The following BPIFC variants were observed in gnomAD, a reference collection of about 807,000 sequenced individuals.
BPIFC encodes BPI fold-containing family C protein.
BPIFC carries 60 observed loss-of-function variants against 57.6 expected under a neutral mutation model. That is an observed-to-expected ratio of 1.04 (90% CI 0.85 to 1.29). The LOEUF (loss-of-function observed/expected upper bound fraction) is 1.29, where lower values mean the gene tolerates loss of function less well. Among genes scored for constraint, BPIFC ranks in the 50% most tolerant of loss-of-function variants. The pLI is 0.00. For missense variants in BPIFC, 581 were observed against 600.5 expected, an observed-to-expected ratio of 0.97 and a Z score of 0.34; for synonymous variants, 243 against 224.5, an observed-to-expected ratio of 1.08 and a Z score of -0.74.
Position 32,414,420 on chromosome 22 carries a change from G to A in BPIFC, c.1407C>T (p.Phe469=). Residue 469 remains phenylalanine, a synonymous_variant, in exon 17 of 17, where the codon TTC becomes TTT. Coordinates refer to ENST00000300399, the MANE Select transcript of BPIFC (RefSeq NM_174932.3). ...VNSDIEVLEG[F]LLISTDLKYE... ...ACTTCAGGTCGGTGGAAATCAAAAG[G>A]AAACCCTGGAAAGGATGTGACAATG... 3.1e-6 allele frequency: 5 copies of A among 1,613,382 alleles called. No homozygotes were observed. The highest frequency in any genetic ancestry group is 4.2e-6 in the Non-Finnish European group (5 of 1,179,586).
chr22:32,423,806 A>G (rs925998362), intron 13 of BPIFC, among the ~76,000 whole-genome samples: 1 of 152,094 alleles, frequency 6.6e-6, no homozygotes, highest in Non-Finnish European at 1.5e-5. Context: ...AAAAAGGGAA[A>G]GTGTCATTTA....
At chr22:32,428,429 C>T (rs527751184) in intron 13 of BPIFC, among the ~76,000 whole-genome samples, 109 of 151,980 alleles carry the variant, frequency 7.2e-4, no homozygotes, top group African/African-American at 2.5e-3. Context: ...CCACCCTGCC[C>T]GGCCTCTCAT....
rs367688513 is a variant in BPIFC, at chr22:32,435,888, A to G, written c.748-8T>C. On this transcript the variant is annotated splice_region_variant and splice_polypyrimidine_tract_variant and intron_variant, in intron 9 of 16. Transcript: ENST00000300399. ...CAGTGGGTAGAATACACCCTGTGGG[A>G]AAAGAGAGAGAAAGACCAGTGTATC... 1.5e-4 allele frequency: 241 copies of G among 1,606,114 alleles called. 3 individuals carry two copies. The African/African-American group carries it at 3.1e-3, about 21-fold the overall frequency.
intron 7 of BPIFC, among the ~76,000 whole-genome samples, chr22:32,444,451 A>C (rs1934657058): frequency 6.6e-6 from 1 of 152,188 alleles, no homozygotes; most frequent in African/African-American, 2.4e-5. Flanking sequence ...GGACGTGACC[A>C]GACCCTGTCT....
chr22:32,450,800 G>A (rs909005474), intron 4 of BPIFC, among the ~76,000 whole-genome samples: 1 of 152,042 alleles, frequency 6.6e-6, no homozygotes, highest in Admixed American at 6.6e-5. Flanking sequence ...GGGATGATAA[G>A]TAAGTATAAA....
At chr22:32,460,638 T>C (rs1935140533) in intron 2 of BPIFC, among the ~76,000 whole-genome samples, 1 of 152,216 alleles carries the variant, frequency 6.6e-6, no homozygotes, top group African/African-American at 2.4e-5. Context: ...GTTTTTCCCC[T>C]CTGCCTATGC....
Position 32,446,770 on chromosome 22 carries a change from G to C in BPIFC, c.374+442C>G, listed in dbSNP as rs1323274186. The C allele has an allele frequency of 7.1e-6, 7 of 985,270 alleles. No individual in the cohort carries two copies. The Admixed American group carries it at 1.8e-4, about 26-fold the overall frequency. The allele number at this position is 985,270 out of a possible 1,614,324, so 61.0% of individuals were successfully genotyped here. A position where few individuals can be genotyped will look rare whatever the true frequency, so the allele number is the denominator to read the frequency against. ...CCTCCTTCTACACGAGGGTGCAAAG[G>C]CCTTCCAGTTGGGCTCAGGCTTAAG... On this transcript the variant is annotated intron_variant, in intron 5 of 16. Coordinates refer to ENST00000300399, the MANE Select transcript of BPIFC (RefSeq NM_174932.3).
Position 32,432,014 on chromosome 22 carries a change from G to GCA in BPIFC, c.1149+358_1149+359insTG, listed in dbSNP as rs67451475. 9.5e-5 allele frequency among the ~76,000 whole-genome samples: 6 copies of GCA among 63,022 alleles called. No individual in the cohort carries two copies. The Admixed American group carries it at 1.1e-3, about 12-fold the overall frequency. The allele number at this position is 63,022 out of a possible 152,430, so 41.3% of individuals were successfully genotyped here. On this transcript the variant is annotated intron_variant, in intron 12 of 16. Coordinates refer to ENST00000300399, the MANE Select transcript of BPIFC (RefSeq NM_174932.3). ...AGTGGTGCAATCATAGCTCACTGTA[G>GCA]CCTCAAACTCCTGGGTTCAGAGCAA...
intron 7 of BPIFC, among the ~76,000 whole-genome samples, chr22:32,444,664 A>G (rs1437254716): frequency 6.6e-6 from 1 of 152,170 alleles, no homozygotes; most frequent in Admixed American, 6.5e-5. Flanking sequence ...GGATCTTAAT[A>G]TATTCTATTT....
chr22:32,452,413 GAT>G (rs879327888), intron 4 of BPIFC, among the ~76,000 whole-genome samples: 2 of 152,026 alleles, frequency 1.3e-5, no homozygotes, highest in African/African-American at 2.4e-5. Flanking sequence ...AAAGGCGGCC[GAT>G]CACTAGGTCA....
intron 7 of BPIFC, among the ~76,000 whole-genome samples, chr22:32,444,980 T>C (rs1291155493): frequency 1.3e-5 from 2 of 152,246 alleles, no homozygotes; most frequent in African/African-American, 2.4e-5. Context: ...CAACAGATCC[T>C]AGTCCATGGC....
chr22:32,419,239 G>A, intron 14 of BPIFC, 123 bp downstream of exon 14: 2 of 1,033,298 alleles, frequency 1.9e-6, no homozygotes, highest in South Asian at 1.6e-5. Context: ...TCAAAGTTAA[G>A]TCCTACAATT....
chr22:32,448,518 A>G (rs1934797527), intron 4 of BPIFC, among the ~76,000 whole-genome samples: 3 of 152,270 alleles, frequency 2.0e-5, no homozygotes, highest in African/African-American at 7.2e-5. Context: ...TGTGGACAGT[A>G]TCTTTGCTAG....
intron 8 of BPIFC, among the ~76,000 whole-genome samples, chr22:32,439,581 T>C (rs570623003): frequency 3.9e-5 from 6 of 152,076 alleles, no homozygotes; most frequent in Non-Finnish European, 7.4e-5. Flanking sequence ...AAAGGAATAA[T>C]ATTATCCTAA....
At chr22:32,439,385 T>C (rs1404328064) in intron 8 of BPIFC, among the ~76,000 whole-genome samples, 1 of 151,982 alleles carries the variant, frequency 6.6e-6, no homozygotes, top group East Asian at 1.9e-4. Context: ...GTATGTGCAG[T>C]GACTCAGGGC....
chr22:32,460,047 G>T (rs1568963042), intron 2 of BPIFC, among the ~76,000 whole-genome samples: 1 of 152,070 alleles, frequency 6.6e-6, no homozygotes, highest in Non-Finnish European at 1.5e-5. Flanking sequence ...ATTAAGGGGG[G>T]TGAGTAGGCT....
In BPIFC at chr22:32,442,995, C is replaced by T. The variant is rs945586088; in HGVS notation, c.595-264G>A. Reference sequence around the variant, plus strand: ...CTGTAAAGAGTGAGTGAGCCCTTGTCGTTTCTTTCTGTGACATGATAGGGC... The same window carrying T: ...CTGTAAAGAGTGAGTGAGCCCTTGTTGTTTCTTTCTGTGACATGATAGGGC... On this transcript the variant is annotated intron_variant, in intron 7 of 16. Coordinates refer to ENST00000300399, the MANE Select transcript of BPIFC (RefSeq NM_174932.3). 3.9e-5 allele frequency among the ~76,000 whole-genome samples: 6 copies of T among 152,212 alleles called. No homozygotes were observed. In the South Asian group the frequency reaches 1.0e-3, roughly 26 times the overall value.
intron 9 of BPIFC, among the ~76,000 whole-genome samples, chr22:32,436,259 ACTT>A (rs369147852): frequency 6.6e-5 from 10 of 151,976 alleles, no homozygotes; most frequent in African/African-American, 2.2e-4. Context: ...GTGCCACTGC[ACTT>A]CAGCCTCCAG....
chr22:32,448,217 T>C (rs1237361821), intron 4 of BPIFC, among the ~76,000 whole-genome samples: 2 of 152,004 alleles, frequency 1.3e-5, no homozygotes, highest in African/African-American at 2.4e-5. Flanking sequence ...TACAGGCGCA[T>C]GCCACCACAC....
Sources: gnomAD v4.1 joint callset for allele counts (sites outside exome capture counted in the v4.1 genomes callset) on GRCh38, gnomAD v4.1.1 for gene constraint, MANE v1.5 for transcripts, NCBI Gene and HGNC (gene_info 2026-07-23, HGNC 2026-07-21) for gene names.